Variants in AUTS2 observed in about 807,000 individuals in gnomAD.
AUTS2 encodes activator of transcription and developmental regulator AUTS2.
AUTS2 carries 17 observed loss-of-function variants against 112.4 expected under a neutral mutation model. The ratio of observed to expected loss-of-function variants is 0.15; its 90% confidence interval spans 0.10 to 0.23. The LOEUF is 0.23. Among genes scored for constraint, AUTS2 ranks in the 10% least tolerant of loss-of-function variants. The probability of loss-of-function intolerance (pLI) is 1.00; values close to 1 mark genes in which losing one functional copy is unlikely to be tolerated. For missense variants in AUTS2, 1,510 were observed against 1,701.6 expected (o/e 0.89, Z 1.98); for synonymous variants, 751 against 702.7 (o/e 1.07, Z -1.09).
chr7:70,631,814 G>T lies in AUTS2; in HGVS notation c.691-66755G>T, dbSNP rs571673342. Among the ~76,000 whole-genome samples the T allele has an allele frequency of 6.6e-6, 1 of 152,218 alleles. No homozygotes were observed. The highest frequency in any genetic ancestry group is 1.5e-5 in the Non-Finnish European group (1 of 68,026). ...ACAGCATCTCCAGCCCCGCGCCCGT[G>T]TGTGCTAACTTGCTAGGGGGCAGGG... On this transcript the variant is annotated intron_variant, in intron 5 of 18. Transcript: ENST00000342771. The surrounding 1 kb of genome is among the most constrained non-coding windows in gnomAD (Gnocchi z 4.5).
At chr7:70,015,351 A>G (rs1164286537) in intron 2 of AUTS2, among the ~76,000 whole-genome samples, 5 of 152,202 alleles carry the variant, frequency 3.3e-5, no homozygotes, top group African/African-American at 4.8e-5. Flanking sequence ...AATACATACT[A>G]TCATTAGCAC....
intron 4 of AUTS2, among the ~76,000 whole-genome samples, chr7:70,410,398 TTTTATTTATTTA>T (rs10631565): frequency 0.023 from 3,211 of 140,812 alleles, 51 homozygotes; most frequent in Middle Eastern, 0.081. Flanking sequence ...AGGGTTTGTC[TTTTATTTATTTA>T]TTTATTTATT....
chr7:70,416,808 T>C (rs1289234768), intron 4 of AUTS2, among the ~76,000 whole-genome samples: 2 of 152,174 alleles, frequency 1.3e-5, no homozygotes, highest in African/African-American at 2.4e-5. Context: ...TGGGAAGACA[T>C]GATTGCAGCC....
intron 4 of AUTS2, among the ~76,000 whole-genome samples, chr7:70,262,122 A>T (rs1787197641): frequency 6.6e-6 from 1 of 152,218 alleles, no homozygotes; most frequent in Non-Finnish European, 1.5e-5. Flanking sequence ...AGGTATTAGC[A>T]TTCTATGGCT....
At chr7:70,245,150 A>G (rs1420915534) in intron 4 of AUTS2, among the ~76,000 whole-genome samples, 11 of 134,452 alleles carry the variant, frequency 8.2e-5, no homozygotes, top group Admixed American at 2.3e-4. Flanking sequence ...GTGTGTATAT[A>G]TATATATATA....
chr7:70,713,936 A>G lies in AUTS2; in HGVS notation c.742+15316A>G, dbSNP rs114879024. ...ATACAGCTTGCGGGGCCCCACCTCCAGTGATTTCTGATTCAGCGTGTCTGG... is the reference window on the plus strand; with the variant it reads ...ATACAGCTTGCGGGGCCCCACCTCCGGTGATTTCTGATTCAGCGTGTCTGG... On this transcript the variant is annotated intron_variant, in intron 6 of 18. Transcript: ENST00000342771. Among the ~76,000 whole-genome samples, 811 of 151,126 alleles carry G rather than the reference A, an allele frequency of 5.4e-3. 9 individuals are homozygous for G. The highest frequency in any genetic ancestry group is 0.018 in the African/African-American group (754 of 41,270).
At chr7:70,056,196 G>A (rs557536396) in intron 2 of AUTS2, among the ~76,000 whole-genome samples, 1 of 152,102 alleles carries the variant, frequency 6.6e-6, no homozygotes, top group Non-Finnish European at 1.5e-5. Flanking sequence ...TGTTAGCCAG[G>A]CTGGTCTCGA....
intron 5 of AUTS2, among the ~76,000 whole-genome samples, chr7:70,654,954 A>G (rs761680257): frequency 1.6e-4 from 25 of 152,230 alleles, no homozygotes; most frequent in Non-Finnish European, 3.4e-4. Context: ...AAGTGCAACT[A>G]TGTGAAATAA....
At chr7:70,371,281 C>T (rs140704565) in intron 4 of AUTS2, among the ~76,000 whole-genome samples, 4 of 152,296 alleles carry the variant, frequency 2.6e-5, no homozygotes, top group African/African-American at 9.6e-5. Flanking sequence ...TTAAAATCTC[C>T]TCACATGATT....
chr7:70,042,238 G>A (rs1801280864), intron 2 of AUTS2, among the ~76,000 whole-genome samples: 2 of 124,720 alleles, frequency 1.6e-5, no homozygotes, highest in South Asian at 4.8e-4. Context: ...TACTTGAACA[G>A]CATTATTTCT....
intron 1 of AUTS2, among the ~76,000 whole-genome samples, chr7:69,812,131 T>C (rs1342873996): frequency 1.3e-5 from 2 of 152,160 alleles, no homozygotes; most frequent in Admixed American, 6.5e-5. Flanking sequence ...CTCTCCATAA[T>C]AGTCTCAATT....
intron 4 of AUTS2, among the ~76,000 whole-genome samples, chr7:70,380,256 G>T (rs1793306960): frequency 6.6e-6 from 1 of 152,194 alleles, no homozygotes; most frequent in Non-Finnish European, 1.5e-5. Flanking sequence ...ATCAAACAAA[G>T]TTAGTGCAAA....
At chr7:69,740,741 C>T (rs923308501) in intron 1 of AUTS2, among the ~76,000 whole-genome samples, 1 of 152,090 alleles carries the variant, frequency 6.6e-6, no homozygotes, top group Non-Finnish European at 1.5e-5. Flanking sequence ...AGGCTGGTCT[C>T]AAACCCCTGA....
intron 12 of AUTS2, chr7:70,775,072 G>A (rs1245276393): frequency 4.4e-6 from 2 of 452,156 alleles, no homozygotes; most frequent in Non-Finnish European, 7.8e-6. Context: ...GAAACTCCTG[G>A]TGTGTGATGT....
At chr7:69,850,398 C>CA (rs60553891) in intron 1 of AUTS2, among the ~76,000 whole-genome samples, 1,643 of 34,670 alleles carry the variant, frequency 0.047, 628 homozygotes, top group Non-Finnish European at 0.072. Context: ...AACTCTGTCT[C>CA]AAAAAAAAAA....
intron 1 of AUTS2, among the ~76,000 whole-genome samples, chr7:69,802,192 T>A (rs1460147367): frequency 1.3e-5 from 2 of 152,210 alleles, no homozygotes; most frequent in Non-Finnish European, 2.9e-5. Flanking sequence ...CCTGAAGACG[T>A]ATGTTAAGGG....
intron 2 of AUTS2, among the ~76,000 whole-genome samples, chr7:69,971,050 T>C (rs978679587): frequency 5.3e-5 from 8 of 152,114 alleles, no homozygotes; most frequent in Non-Finnish European, 2.9e-5. Context: ...TGGTAGCGTG[T>C]GTCTGTGGTC....
At chr7:69,928,358 C>T (rs148425287) in intron 2 of AUTS2, among the ~76,000 whole-genome samples, 4,518 of 152,280 alleles carry the variant, frequency 0.03, 80 homozygotes, top group Middle Eastern at 0.12. Flanking sequence ...GCCATCCCTG[C>T]CTTGAAGGTG....
At chr7:70,558,689 G>A (rs1323390134) in intron 5 of AUTS2, among the ~76,000 whole-genome samples, 2 of 152,158 alleles carry the variant, frequency 1.3e-5, no homozygotes, top group African/African-American at 4.8e-5. Flanking sequence ...AAATATGTGA[G>A]GTGAAAATGT....
Sources: gnomAD v4.1 joint callset for allele counts (sites outside exome capture counted in the v4.1 genomes callset) on GRCh38, gnomAD v4.1.1 for gene constraint, Gnocchi (gnomAD v3.1) non-coding constraint, MANE v1.5 for transcripts, NCBI Gene and HGNC (gene_info 2026-07-23, HGNC 2026-07-21) for gene names.